The following MARCHF1 variants were observed in gnomAD, a reference collection of about 807,000 sequenced individuals.
The protein encoded by MARCHF1 is E3 ubiquitin-protein ligase MARCHF1.
In MARCHF1, 40 loss-of-function variants were observed where a neutral mutation model predicts 54.2. The observed-to-expected ratio is 0.74, with a 90% CI of 0.57 to 0.96. The LOEUF (loss-of-function observed/expected upper bound fraction) is 0.96, where lower values mean the gene tolerates loss of function less well. MARCHF1 is among the 40% of genes least tolerant of loss of function. The pLI is 0.00. For synonymous variants in MARCHF1, 236 were observed against 236.3 expected (o/e 1.00, Z 0.01); for missense variants, 586 against 656.5 (o/e 0.89, Z 1.17).
chr4:164,368,567 G>T (rs2110948716), intron 1 of MARCHF1, among the ~76,000 whole-genome samples: 1 of 152,054 alleles, frequency 6.6e-6, no homozygotes, highest in Admixed American at 6.5e-5. Context: ...AAAAATACAA[G>T]ATTTCATTTC....
intron 3 of MARCHF1, among the ~76,000 whole-genome samples, chr4:163,981,081 CA>C (rs1425839483): frequency 6.6e-6 from 1 of 152,046 alleles, no homozygotes; most frequent in African/African-American, 2.4e-5. Context: ...CTCTGTATCT[CA>C]CACATGAGCT....
At position 163,527,981 on chromosome 4, in the gene MARCHF1, TTG is replaced by T. The variant is rs1738191524; in HGVS notation, c.*765_*766del. On this transcript the variant is annotated 3_prime_UTR_variant, in exon 10 of 10. Transcript: ENST00000514618. ...CATCTGTGGCCTGCATTTGTGGCTG[TTG>T]TGTTTCTATTGGACAGCACTGTATT... 1 of 152,556 alleles carries T rather than the reference TTG, an allele frequency of 6.6e-6. No individual in the cohort carries two copies. The highest frequency in any genetic ancestry group is 1.5e-5 in the Non-Finnish European group (1 of 67,988). The allele number at this position is 152,556 out of a possible 1,614,324, so 9.5% of individuals were successfully genotyped here. A position where few individuals can be genotyped will look rare whatever the true frequency, so the allele number is the denominator to read the frequency against.
chr4:164,300,973 G>A (rs1454459194), intron 1 of MARCHF1, among the ~76,000 whole-genome samples: 2 of 151,948 alleles, frequency 1.3e-5, no homozygotes, highest in African/African-American at 2.4e-5. Flanking sequence ...TGGGGGAAGA[G>A]ACGAAAATGC....
At chr4:164,096,588 AG>A (rs1437504818) in intron 2 of MARCHF1, among the ~76,000 whole-genome samples, 2 of 152,070 alleles carry the variant, frequency 1.3e-5, no homozygotes, top group Non-Finnish European at 2.9e-5. Context: ...AAATTTAAAA[AG>A]TGTGCCTCCA....
intron 1 of MARCHF1, among the ~76,000 whole-genome samples, chr4:164,313,240 T>G (rs542593216): frequency 1.2e-3 from 168 of 145,944 alleles, no homozygotes; most frequent in African/African-American, 4.1e-3. Flanking sequence ...TCCCAACTAC[T>G]CAGGAAGCTG....
chr4:164,081,232 A>AAAAAAAAAAAAAAAAAAC (rs1755094593), intron 2 of MARCHF1, among the ~76,000 whole-genome samples: 1 of 143,536 alleles, frequency 7.0e-6, no homozygotes, highest in Non-Finnish European at 1.5e-5. Context: ...AAAAAAAAAA[A>AAAAAAAAAAAAAAAAAAC]AAAAAGAAAT....
intron 3 of MARCHF1, among the ~76,000 whole-genome samples, chr4:163,910,716 C>T (rs1262740642): frequency 2.0e-5 from 3 of 152,092 alleles, no homozygotes; most frequent in South Asian, 2.1e-4. Context: ...AAGCTGGTCT[C>T]GAACTCCTGA....
intron 4 of MARCHF1, among the ~76,000 whole-genome samples, chr4:163,740,993 G>A (rs1746178907): frequency 6.6e-6 from 1 of 152,128 alleles, no homozygotes; most frequent in Non-Finnish European, 1.5e-5. Context: ...TTGTCCTTCT[G>A]TGATACCTTC....
intron 1 of MARCHF1, chr4:164,188,823 T>G (rs1450729078): frequency 6.2e-6 from 5 of 800,158 alleles, no homozygotes; most frequent in Non-Finnish European, 1.1e-5. Context: ...TCTGCCATGG[T>G]TCTCACTAAA....
intron 1 of MARCHF1, among the ~76,000 whole-genome samples, chr4:164,119,737 A>T (rs1756024461): frequency 6.6e-6 from 1 of 151,976 alleles, no homozygotes; most frequent in Non-Finnish European, 1.5e-5. Flanking sequence ...AATAAATTTG[A>T]AACTAAGGCT....
At chr4:163,745,455 C>T (rs572231253) in intron 4 of MARCHF1, among the ~76,000 whole-genome samples, 201 of 152,094 alleles carry the variant, frequency 1.3e-3, no homozygotes, top group South Asian at 0.011. Context: ...GTAACATACT[C>T]GACCCCGCTG....
chr4:163,995,361 C>T (rs1481552097), intron 2 of MARCHF1, among the ~76,000 whole-genome samples: 5 of 152,130 alleles, frequency 3.3e-5, no homozygotes, highest in Admixed American at 2.6e-4. Context: ...TCCATAAGTT[C>T]TCTGTATCCA....
chr4:164,087,501 TAGTC>T (rs921875330), intron 2 of MARCHF1, among the ~76,000 whole-genome samples: 12 of 152,150 alleles, frequency 7.9e-5, no homozygotes, highest in African/African-American at 1.2e-4. Context: ...AGAAAATAGA[TAGTC>T]AGGTAAATAG....
At chr4:163,987,307 T>C (rs943942689) in intron 3 of MARCHF1, among the ~76,000 whole-genome samples, 4 of 152,334 alleles carry the variant, frequency 2.6e-5, no homozygotes, top group African/African-American at 9.6e-5. Flanking sequence ...AAGTATCTCT[T>C]GCACTAACTT....
chr4:163,717,550 T>G (rs572715893), intron 4 of MARCHF1, among the ~76,000 whole-genome samples: 1 of 152,290 alleles, frequency 6.6e-6, no homozygotes, highest in Non-Finnish European at 1.5e-5. Context: ...TTTCTACTTC[T>G]AGATCCTTGA....
chr4:163,533,629 T>G (rs1460519449), intron 9 of MARCHF1, among the ~76,000 whole-genome samples: 1 of 150,356 alleles, frequency 6.7e-6, no homozygotes, highest in Non-Finnish European at 1.5e-5. Flanking sequence ...TTACCTTCTT[T>G]GTAATTTTTC....
Position 163,612,441 on chromosome 4 carries a change from C to T in MARCHF1, c.840G>A (p.Arg280=). 1.3e-6 allele frequency: 2 copies of T among 1,535,348 alleles called. No individual in the cohort carries two copies. Among genetic ancestry groups the T allele is most frequent in the South Asian group, 2.4e-5 (2 of 84,008 alleles). ...HRDPQLLQSL[R]KNEIMKKTFS... The stretch of plus-strand genomic sequence containing the variant: ...ATGTCTTCTTCATTATTTCATTTTT[C>T]CTAAGACTTTGCAAGAGCTGAGGAT... Residue 280 remains arginine (R), a synonymous_variant, in exon 7 of 10, where the codon AGG becomes AGA. Transcript: ENST00000514618.
intron 8 of MARCHF1, chr4:163,585,422 C>T (rs1740376978): frequency 2.4e-5 from 4 of 165,302 alleles, no homozygotes; most frequent in Non-Finnish European, 5.2e-5. Context: ...TATCATAGTT[C>T]TCATCAATTC....
chr4:163,990,148 T>G (rs1752945154), intron 2 of MARCHF1, among the ~76,000 whole-genome samples: 1 of 152,210 alleles, frequency 6.6e-6, no homozygotes, highest in South Asian at 2.1e-4. Context: ...ATTTAAATAT[T>G]CACACTGAAA....
Sources: allele counts gnomAD v4.1 joint callset (sites outside exome capture counted in the v4.1 genomes callset), GRCh38; gene constraint gnomAD v4.1.1; transcripts MANE v1.5; gene names NCBI Gene and HGNC (gene_info 2026-07-23, HGNC 2026-07-21).